HERC1: variants seen among roughly 807,000 people sequenced by gnomAD.
HERC1 encodes HECT and RLD domain containing E3 ubiquitin protein ligase family member 1.
In HERC1, 160 loss-of-function variants were observed where a neutral mutation model predicts 554.3. The observed-to-expected ratio is 0.29, with a 90% CI of 0.25 to 0.33. The LOEUF is 0.33. Ranked by LOEUF, HERC1 falls within the 10% of genes least tolerant of loss-of-function variation. The pLI, the probability that HERC1 is intolerant of heterozygous loss-of-function variation, is 1.00. For missense variants in HERC1, 4,919 were observed against 5,918.5 expected (o/e 0.83, Z 5.54); for synonymous variants, 2,175 against 2,131.7 (o/e 1.02, Z -0.56).
At chr15:63,824,173 T>G (rs1256212925) in intron 1 of HERC1, among the ~76,000 whole-genome samples, 1 of 152,070 alleles carries the variant, frequency 6.6e-6, no homozygotes, top group Non-Finnish European at 1.5e-5. Context: ...AAGGGAATAT[T>G]TGAACACTGT....
chr15:63,739,817 G>A (rs773663880), intron 12 of HERC1, among the ~76,000 whole-genome samples: 8 of 152,114 alleles, frequency 5.3e-5, no homozygotes, highest in South Asian at 2.1e-4. Context: ...CAGCTTGGGC[G>A]ACAGAGCAAG....
At chr15:63,625,418 A>C (rs1014143364) in intron 71 of HERC1, among the ~76,000 whole-genome samples, 1 of 151,898 alleles carries the variant, frequency 6.6e-6, no homozygotes, top group Non-Finnish European at 1.5e-5. Context: ...AGTGGCTGGG[A>C]GCGGTGGCTC....
chr15:63,689,573 A>G lies in HERC1; in HGVS notation c.6048+16T>C, dbSNP rs2071985888. On this transcript the variant is annotated intron_variant, in intron 33 of 77. Transcript: ENST00000443617. Reference sequence around the variant, plus strand: ...CTTATGCTGTTAAGAAATACCTTTTAGGAAAAACCAATTACCTGTAGTTTT... The same window carrying G: ...CTTATGCTGTTAAGAAATACCTTTTGGGAAAAACCAATTACCTGTAGTTTT... 7.1e-7 allele frequency: 1 copy of G among 1,404,534 alleles called. No homozygotes were observed. The allele number at this position is 1,404,534 out of a possible 1,614,324, so 87.0% of individuals were successfully genotyped here.
At chr15:63,737,409 ATATATAT>A (rs2074561764) in intron 12 of HERC1, among the ~76,000 whole-genome samples, 1 of 90,644 alleles carries the variant, frequency 1.1e-5, no homozygotes, top group Non-Finnish European at 2.5e-5. Flanking sequence ...AGATATATAT[ATATATAT>A]CTTTTTTCCA....
chr15:63,674,420 C>T lies in HERC1; in HGVS notation c.7768G>A (p.Glu2590Lys). The change falls in exon 38 of 78, where the codon GAA becomes AAA. Residue 2590 changes from glutamate to lysine, a missense_variant. By Grantham distance (56) the Glu-to-Lys change is moderately conservative. Around this residue, in one of 11 missense-constraint regions of HERC1, gnomAD observed 1,963 missense variants for 2,228.6 expected, o/e 0.88. Transcript: ENST00000443617. ...TTATAGATCATGGCTTGCGCTCGTT[C>T]CAGATCAGCTAATCCCAATGCTCTC... ...IKRALGLADL[E>K]RAQAMIYKLV... The T allele has an allele frequency of 6.2e-7, 1 of 1,613,918 alleles. No individual in the cohort carries two copies. The highest frequency in any genetic ancestry group is 8.5e-7 in the Non-Finnish European group (1 of 1,179,862).
intron 37 of HERC1, among the ~76,000 whole-genome samples, chr15:63,675,895 G>A (rs1309070619): frequency 6.8e-6 from 1 of 146,162 alleles, no homozygotes; most frequent in African/African-American, 2.5e-5. Context: ...TTGCTATACT[G>A]TATACATCTT....
chr15:63,680,248 T>C lies in HERC1; in HGVS notation c.6466-88A>G. The C allele has an allele frequency of 9.8e-7, 1 of 1,025,328 alleles. No individual in the cohort carries two copies. The highest frequency in any genetic ancestry group is 1.5e-6 in the Non-Finnish European group (1 of 688,164). 63.5% of individuals were successfully genotyped at this position (1,025,328 alleles called of 1,614,324 possible). A position where few individuals can be genotyped will look rare whatever the true frequency, so the allele number is the denominator to read the frequency against. On this transcript the variant is annotated intron_variant, in intron 35 of 77. Coordinates refer to ENST00000443617, the MANE Select transcript of HERC1 (RefSeq NM_003922.4). The surrounding 1 kb of genome is among the most constrained non-coding windows in gnomAD (Gnocchi z 5.8). ...CTAACCACATTAGAATTGAAAGCTT[T>C]TATGAGACAGAACAAAAGTTACTAG...
At chr15:63,760,437 A>C (rs953239954) in intron 3 of HERC1, among the ~76,000 whole-genome samples, 13 of 69,618 alleles carry the variant, frequency 1.9e-4, no homozygotes, top group African/African-American at 8.8e-4. Context: ...ACACCATCCA[A>C]AAAAAAAAAA....
At chr15:63,711,003 G>A (rs1420792824) in intron 24 of HERC1, among the ~76,000 whole-genome samples, 1 of 152,154 alleles carries the variant, frequency 6.6e-6, no homozygotes, top group Non-Finnish European at 1.5e-5. Flanking sequence ...GCAGGACTCT[G>A]AGCAGAGAAA....
intron 17 of HERC1, among the ~76,000 whole-genome samples, chr15:63,725,985 G>A (rs923190211): frequency 2.6e-5 from 4 of 151,806 alleles, no homozygotes; most frequent in East Asian, 1.9e-4. Context: ...TCTGGGGGGC[G>A]GGGGTGGAGG....
chr15:63,698,433 A>G (rs906720621), intron 26 of HERC1, among the ~76,000 whole-genome samples: 4 of 152,012 alleles, frequency 2.6e-5, no homozygotes, highest in Non-Finnish European at 5.9e-5. Context: ...AAAAAAAAAA[A>G]AAAAGGCTCT....
At chr15:63,610,360 T>C (rs1300897273) in intron 77 of HERC1, among the ~76,000 whole-genome samples, 1 of 152,172 alleles carries the variant, frequency 6.6e-6, no homozygotes, top group Non-Finnish European at 1.5e-5. Context: ...ATGTGAGTAC[T>C]GTAGAAATGA....
At chr15:63,646,498 TAA>T (rs71287041) in intron 55 of HERC1, among the ~76,000 whole-genome samples, 9 of 134,380 alleles carry the variant, frequency 6.7e-5, no homozygotes, top group African/African-American at 2.8e-5. Context: ...TAGTAGAGGC[TAA>T]AAAAAAAAAA....
intron 57 of HERC1, among the ~76,000 whole-genome samples, chr15:63,643,957 C>T (rs2069195721): frequency 6.6e-6 from 1 of 152,072 alleles, no homozygotes; most frequent in African/African-American, 2.4e-5. Context: ...AAATAGATTC[C>T]TCTTTTTGTT....
chr15:63,788,170 AATTTGGGTTTCT>A (rs552604146), intron 1 of HERC1, among the ~76,000 whole-genome samples: 2 of 152,268 alleles, frequency 1.3e-5, no homozygotes, highest in South Asian at 4.1e-4. Context: ...CAAACAAATG[AATTTGGGTTTCT>A]ATTCTATAAT....
chr15:63,620,462 T>C (rs1223534469), intron 74 of HERC1, among the ~76,000 whole-genome samples: 1 of 152,206 alleles, frequency 6.6e-6, no homozygotes, highest in African/African-American at 2.4e-5. Context: ...GAAAAGAATG[T>C]ATATTCTGTT....
At chr15:63,771,854 T>A (rs887182220) in intron 2 of HERC1, among the ~76,000 whole-genome samples, 4 of 152,072 alleles carry the variant, frequency 2.6e-5, no homozygotes, top group Admixed American at 6.5e-5. Context: ...TGTCTGGGAA[T>A]GAGAGGCCAA....
chr15:63,755,171 G>A, intron 6 of HERC1, 58 bp downstream of exon 6: 2 of 1,193,362 alleles, frequency 1.7e-6, no homozygotes, highest in South Asian at 2.5e-5. Flanking sequence ...CGGCTTCTCA[G>A]TAACTTAATC....
intron 31 of HERC1, 68 bp from the exon 32 acceptor site, chr15:63,690,715 G>GA: frequency 7.0e-6 from 7 of 999,398 alleles, no homozygotes; most frequent in South Asian, 2.8e-5. Flanking sequence ...GAACTTCTGG[G>GA]AAAAAAATTC....
Sources: gnomAD v4.1 joint callset for allele counts (sites outside exome capture counted in the v4.1 genomes callset) on GRCh38, gnomAD v4.1.1 for gene constraint, gnomAD v4.1.1 regional missense constraint, Gnocchi (gnomAD v3.1) non-coding constraint, MANE v1.5 for transcripts, NCBI Gene and HGNC (gene_info 2026-07-23, HGNC 2026-07-21) for gene names.